The following ARL13B variants were observed in gnomAD, a reference collection of about 807,000 sequenced individuals.
ARL13B encodes the protein ADP-ribosylation factor-like protein 13B.
ARL13B carries 36 observed loss-of-function variants against 56.1 expected under a neutral mutation model. The ratio of observed to expected loss-of-function variants is 0.64; its 90% CI spans 0.49 to 0.85. The LOEUF is 0.85. ARL13B is among the 40% of genes least tolerant of loss of function. The pLI, the probability that ARL13B is intolerant of heterozygous loss-of-function variation, is 0.00. For synonymous variants in ARL13B, 178 were observed against 171.1 expected (o/e 1.04, Z -0.32); for missense variants, 519 against 507.1 (o/e 1.02, Z -0.23).
At chr3:94,042,924 G>C in intron 6 of ARL13B, 91 bp from the exon 7 acceptor site, 2 of 1,040,758 alleles carry the variant, frequency 1.9e-6, no homozygotes, top group Non-Finnish European at 2.8e-6. Flanking sequence ...TGAAGTTACA[G>C]AATCCTGTTA....
At chr3:94,048,423 A>T (rs1054678424) in intron 7 of ARL13B, among the ~76,000 whole-genome samples, 1 of 152,218 alleles carries the variant, frequency 6.6e-6, no homozygotes, top group African/African-American at 2.4e-5. Context: ...ATACATTAAC[A>T]TAGATTTCCT....
intron 7 of ARL13B, among the ~76,000 whole-genome samples, chr3:94,043,751 G>A (rs377366013): frequency 6.2e-5 from 8 of 129,354 alleles, no homozygotes; most frequent in African/African-American, 1.2e-4. Flanking sequence ...TCCCTGCCTC[G>A]GGCTCCTGTG....
chr3:94,021,201 AT>A (rs887213568), intron 3 of ARL13B, among the ~76,000 whole-genome samples: 9 of 141,650 alleles, frequency 6.4e-5, no homozygotes, highest in South Asian at 2.3e-4. Context: ...TATATATATA[AT>A]TTTTTTTTTG....
chr3:94,052,232 A>C (rs1223913418), intron 9 of ARL13B, among the ~76,000 whole-genome samples: 2 of 152,160 alleles, frequency 1.3e-5, no homozygotes, highest in Non-Finnish European at 2.9e-5. Context: ...TGTTGAACTC[A>C]TTTAACATAC....
At chr3:93,981,002 C>G (rs1710188867) in intron 1 of ARL13B, among the ~76,000 whole-genome samples, 1 of 152,146 alleles carries the variant, frequency 6.6e-6, no homozygotes, top group African/African-American at 2.4e-5. Flanking sequence ...TGATAATACT[C>G]TGCTTTAGAA....
chr3:94,043,078 C>T lies in ARL13B; in HGVS notation c.862C>T (p.His288Tyr). ...QKMEKDSDGC[H>Y]LKHKMEHEQI... ...AATGGAGAAAGACAGTGATGGCTGC[C>T]ACCTGAAACATAAAATGGAGCATGA... The change falls in exon 7 of 10, where the codon CAC becomes TAC. Residue 288 changes from histidine (H) to tyrosine (Y), a missense_variant. By Grantham distance (83) the His-to-Tyr change is moderately conservative. Coordinates refer to ENST00000394222, the MANE Select transcript of ARL13B (RefSeq NM_001174150.2). 6.2e-7 allele frequency: 1 copy of T among 1,613,106 alleles called. No individual in the cohort carries two copies. The highest frequency in any genetic ancestry group is 8.5e-7 in the Non-Finnish European group (1 of 1,179,798).
At chr3:93,998,714 T>C (rs1351461473) in intron 2 of ARL13B, among the ~76,000 whole-genome samples, 1 of 152,222 alleles carries the variant, frequency 6.6e-6, no homozygotes, top group South Asian at 2.1e-4. Flanking sequence ...GTCCACTTTT[T>C]TGGCCTGCTC....
chr3:94,034,818 T>A (rs2076738454), intron 3 of ARL13B, among the ~76,000 whole-genome samples: 1 of 152,182 alleles, frequency 6.6e-6, no homozygotes, highest in Non-Finnish European at 1.5e-5. Context: ...TTGATTTTCC[T>A]TTTATAGGCC....
Position 94,010,315 on chromosome 3 carries a change from G to A in ARL13B, c.380+6407G>A, listed in dbSNP as rs374556768. On this transcript the variant is annotated intron_variant, in intron 3 of 9. Coordinates refer to ENST00000394222, the MANE Select transcript of ARL13B (RefSeq NM_001174150.2). ...GTGTTCTGTAAATGCAATGGTGGAT[G>A]TGAATATCATTATTATTGATAATAT... is the stretch of plus-strand genomic sequence containing the variant. Among the ~76,000 whole-genome samples, 25 of 152,208 alleles carry A rather than the reference G, an allele frequency of 1.6e-4. 1 individual carries two copies. In the East Asian group the frequency reaches 4.2e-3, roughly 26 times the overall value.
At position 94,035,440 on chromosome 3, in the gene ARL13B, AG is replaced by A; in HGVS notation, c.486+6del. 5 of 1,525,992 alleles carry A rather than the reference AG, an allele frequency of 3.3e-6. No individual in the cohort carries two copies. The highest frequency in any genetic ancestry group is 1.2e-5 in the South Asian group (1 of 82,208). 94.5% of individuals were successfully genotyped at this position (1,525,992 alleles called of 1,614,324 possible). Reference sequence around the variant, plus strand: ...GCACAAGTGCCTGTGTCAGATAGTAAGGTTTTTTTTTTTTTTTTAATTTTAA... The same window carrying A: ...GCACAAGTGCCTGTGTCAGATAGTAAGTTTTTTTTTTTTTTTTAATTTTAA... On this transcript the variant is annotated splice_donor_5th_base_variant and intron_variant, in intron 4 of 9. Coordinates refer to ENST00000394222, the MANE Select transcript of ARL13B (RefSeq NM_001174150.2).
chr3:94,049,489 G>C lies in ARL13B; in HGVS notation c.1108G>C (p.Glu370Gln). Residue 370 changes from glutamate to glutamine, a missense_variant, in exon 8 of 10, where the codon GAG becomes CAG. Transcript: ENST00000394222. ...EPLNIDDCAPESPTPPPPPPP... is the reference protein window; with the variant it reads ...EPLNIDDCAPQSPTPPPPPPP... ...ACTTAATATAGATGACTGTGCTCCT[G>C]AGAGTCCAACGCCACCCCCACCCCC... 1 of 1,611,806 alleles carries C rather than the reference G, an allele frequency of 6.2e-7. No individual in the cohort carries two copies. The highest frequency in any genetic ancestry group is 8.5e-7 in the Non-Finnish European group (1 of 1,179,154).
chr3:94,032,806 T>G (rs896383641), intron 3 of ARL13B, among the ~76,000 whole-genome samples: 2 of 152,124 alleles, frequency 1.3e-5, no homozygotes, highest in African/African-American at 4.8e-5. Flanking sequence ...AGTATGGAGA[T>G]TTCTTAAAGA....
At position 94,035,314 on chromosome 3, in the gene ARL13B, C is replaced by CTT; in HGVS notation, c.381-15_381-14dup. ...ATTATATATATGCTGTATAAAAGTA[C>CTT]TTTAATTATCTTTCAGGTTGGCAAA... On this transcript the variant is annotated splice_polypyrimidine_tract_variant and intron_variant, in intron 3 of 9. Coordinates refer to ENST00000394222, the MANE Select transcript of ARL13B (RefSeq NM_001174150.2). 1 of 1,515,038 alleles carries CTT rather than the reference C, an allele frequency of 6.6e-7. No individual in the cohort carries two copies. Among genetic ancestry groups the CTT allele is most frequent in the Non-Finnish European group, 9.1e-7 (1 of 1,095,426 alleles). The allele number at this position is 1,515,038 out of a possible 1,614,324, so 93.8% of individuals were successfully genotyped here.
chr3:93,986,090 G>A (rs1710448300), intron 1 of ARL13B, among the ~76,000 whole-genome samples: 1 of 152,124 alleles, frequency 6.6e-6, no homozygotes, highest in African/African-American at 2.4e-5. Context: ...CTATTGTGCT[G>A]TATGCTGAAC....
At chr3:93,986,295 T>A (rs1277375470) in intron 1 of ARL13B, among the ~76,000 whole-genome samples, 1 of 152,238 alleles carries the variant, frequency 6.6e-6, no homozygotes, top group Non-Finnish European at 1.5e-5. Flanking sequence ...AAGCTTGGCC[T>A]TCTCACTATT....
chr3:93,996,598 G>T, intron 2 of ARL13B: 1 of 439,894 alleles, frequency 2.3e-6, no homozygotes. Context: ...AGCTGGTCTG[G>T]AATGCCTAGC....
rs1419447700 is a variant in ARL13B, at chr3:94,030,258, ACT to A, written c.381-5070_381-5069del. ...TTTTTATTTTTTGAGACAGGGTCTCACTCTGTCACCCAGCCTGGAGTGCAGTG... is the reference window on the plus strand; with the variant it reads ...TTTTTATTTTTTGAGACAGGGTCTCACTGTCACCCAGCCTGGAGTGCAGTG... On this transcript the variant is annotated intron_variant, in intron 3 of 9. Transcript: ENST00000394222. 2.0e-5 allele frequency among the ~76,000 whole-genome samples: 3 copies of A among 151,774 alleles called. No individual in the cohort carries two copies. In the East Asian group the frequency reaches 5.8e-4, roughly 29 times the overall value.
chr3:94,050,266 C>A (rs1423095289), intron 8 of ARL13B, among the ~76,000 whole-genome samples: 1 of 151,900 alleles, frequency 6.6e-6, no homozygotes, highest in African/African-American at 2.4e-5. Context: ...ATATACATAC[C>A]CATGTCCTAA....
At chr3:94,014,169 A>AT (rs373387585) in intron 3 of ARL13B, among the ~76,000 whole-genome samples, 4 of 152,212 alleles carry the variant, frequency 2.6e-5, no homozygotes, top group South Asian at 4.1e-4. Flanking sequence ...TGGTAACTGT[A>AT]TTTTTTTGTA....
Sources: allele counts gnomAD v4.1 joint callset (sites outside exome capture counted in the v4.1 genomes callset), GRCh38; gene constraint gnomAD v4.1.1; transcripts MANE v1.5; gene names NCBI Gene and HGNC (gene_info 2026-07-23, HGNC 2026-07-21).